Variants in CNTN4 observed in about 807,000 individuals in gnomAD.
The protein encoded by CNTN4 is contactin-4.
CNTN4 carries 77 observed loss-of-function variants against 122.5 expected under a neutral mutation model. The observed-to-expected ratio is 0.63, with a 90% CI of 0.52 to 0.76. CNTN4 has a LOEUF of 0.76. Ranked by LOEUF, CNTN4 falls within the 30% of genes least tolerant of loss-of-function variation. CNTN4 has a pLI of 0.00. For synonymous variants in CNTN4, 512 were observed against 447.0 expected (o/e 1.15, Z -1.83); for missense variants, 1,256 against 1,259.1 (o/e 1.00, Z 0.04).
chr3:2,509,480 C>T (rs993637784), intron 3 of CNTN4, among the ~76,000 whole-genome samples: 1 of 152,086 alleles, frequency 6.6e-6, no homozygotes, highest in Non-Finnish European at 1.5e-5. Flanking sequence ...GTATAATTGC[C>T]TTGTTTCTTT....
At chr3:2,884,056 C>T (rs1488604936) in intron 9 of CNTN4, among the ~76,000 whole-genome samples, 1 of 152,084 alleles carries the variant, frequency 6.6e-6, no homozygotes, top group Non-Finnish European at 1.5e-5. Flanking sequence ...TACTAACTCT[C>T]TTTTTCCTGC....
chr3:2,688,100 G>A (rs1281507920), intron 4 of CNTN4, among the ~76,000 whole-genome samples: 1 of 152,146 alleles, frequency 6.6e-6, no homozygotes, highest in Non-Finnish European at 1.5e-5. Flanking sequence ...ATAAAAATCT[G>A]TAACTACTTT....
intron 3 of CNTN4, among the ~76,000 whole-genome samples, chr3:2,397,275 T>C (rs915003761): frequency 7.2e-5 from 11 of 152,322 alleles, no homozygotes; most frequent in South Asian, 6.2e-4. Flanking sequence ...ACAGCTCTTA[T>C]ATTCTTTGAA....
intron 2 of CNTN4, among the ~76,000 whole-genome samples, chr3:2,206,866 C>T (rs961416796): frequency 2.1e-5 from 3 of 141,682 alleles, no homozygotes; most frequent in African/African-American, 5.3e-5. Context: ...TACTGCACTT[C>T]GCAGATACTG....
intron 3 of CNTN4, among the ~76,000 whole-genome samples, chr3:2,391,724 G>A (rs1189506705): frequency 6.6e-6 from 1 of 152,036 alleles, no homozygotes; most frequent in East Asian, 1.9e-4. Flanking sequence ...TTTACATGAC[G>A]CAGCAAGAAT....
intron 2 of CNTN4, among the ~76,000 whole-genome samples, chr3:2,179,404 A>G (rs1436916105): frequency 6.6e-6 from 1 of 152,034 alleles, no homozygotes; most frequent in Non-Finnish European, 1.5e-5. Flanking sequence ...GAAGAGACTT[A>G]GATTTCATTA....
chr3:2,330,164 A>G (rs190862993), intron 2 of CNTN4, among the ~76,000 whole-genome samples: 1 of 152,294 alleles, frequency 6.6e-6, no homozygotes, highest in East Asian at 1.9e-4. Context: ...AAAGTGCTTT[A>G]CTTATATTTA....
intron 6 of CNTN4, among the ~76,000 whole-genome samples, chr3:2,770,437 G>A (rs1202883471): frequency 3.9e-5 from 6 of 152,208 alleles, no homozygotes; most frequent in Admixed American, 3.9e-4. Context: ...TGGTGGGGGA[G>A]GGCCAAGGGC....
At chr3:2,499,392 A>G (rs990902432) in intron 3 of CNTN4, among the ~76,000 whole-genome samples, 3 of 152,254 alleles carry the variant, frequency 2.0e-5, no homozygotes, top group Non-Finnish European at 4.4e-5. Flanking sequence ...AATATTCCTG[A>G]TTAAATAATA....
At chr3:2,357,171 TG>T (rs2044907934) in intron 3 of CNTN4, among the ~76,000 whole-genome samples, 1 of 152,222 alleles carries the variant, frequency 6.6e-6, no homozygotes, top group African/African-American at 2.4e-5. Flanking sequence ...ATCCTGATGC[TG>T]GTGACCCACA....
chr3:2,114,023 T>A (rs944164381), intron 2 of CNTN4, among the ~76,000 whole-genome samples: 1 of 152,174 alleles, frequency 6.6e-6, no homozygotes, highest in African/African-American at 2.4e-5. Context: ...GCTTTTTGCT[T>A]GGTGTAAAAA....
chr3:2,249,516 G>C (rs78770393), intron 2 of CNTN4, among the ~76,000 whole-genome samples: 5 of 152,016 alleles, frequency 3.3e-5, no homozygotes, highest in Non-Finnish European at 7.4e-5. Context: ...TTTGGTTATA[G>C]AATGGGTAGG....
intron 2 of CNTN4, among the ~76,000 whole-genome samples, chr3:2,220,755 C>G (rs1053243275): frequency 1.3e-5 from 2 of 152,046 alleles, no homozygotes; most frequent in Non-Finnish European, 2.9e-5. Flanking sequence ...AGAAAGTACT[C>G]AATAAATGCC....
At chr3:2,361,627 G>A (rs1028940707) in intron 3 of CNTN4, among the ~76,000 whole-genome samples, 3 of 152,168 alleles carry the variant, frequency 2.0e-5, no homozygotes, top group Non-Finnish European at 2.9e-5. Context: ...TGGAATAAGA[G>A]CTGAGTTATT....
intron 10 of CNTN4, among the ~76,000 whole-genome samples, chr3:2,897,322 C>T (rs2094126020): frequency 6.6e-6 from 1 of 151,890 alleles, no homozygotes. Flanking sequence ...TTAAGGAGTC[C>T]TAGAAGAATT....
At chr3:2,221,640 A>G (rs1192920946) in intron 2 of CNTN4, among the ~76,000 whole-genome samples, 5 of 152,118 alleles carry the variant, frequency 3.3e-5, no homozygotes, top group African/African-American at 9.6e-5. Flanking sequence ...ACTTTTACAT[A>G]TATATCTGAT....
chr3:2,357,448 A>G (rs1293571428), intron 3 of CNTN4, among the ~76,000 whole-genome samples: 7 of 152,192 alleles, frequency 4.6e-5, no homozygotes, highest in Admixed American at 4.6e-4. Flanking sequence ...TTTACTGAAA[A>G]TCACTGCATA....
At chr3:2,661,482 A>G (rs1460941218) in intron 4 of CNTN4, among the ~76,000 whole-genome samples, 1 of 151,750 alleles carries the variant, frequency 6.6e-6, no homozygotes, top group African/African-American at 2.4e-5. Context: ...ATAAGAAAGA[A>G]GCAAAAAAGC....
intron 4 of CNTN4, among the ~76,000 whole-genome samples, chr3:2,681,464 G>A (rs2085161062): frequency 6.6e-6 from 1 of 152,094 alleles, no homozygotes; most frequent in Non-Finnish European, 1.5e-5. Context: ...TGGAGAGGAG[G>A]GTTAAGAGAC....
Sources: allele counts gnomAD v4.1 joint callset (sites outside exome capture counted in the v4.1 genomes callset), GRCh38; gene constraint gnomAD v4.1.1; transcripts MANE v1.5; gene names NCBI Gene and HGNC (gene_info 2026-07-23, HGNC 2026-07-21).